The following STK3 variants were observed in gnomAD, a reference collection of about 807,000 sequenced individuals.
The protein encoded by STK3 is serine/threonine-protein kinase 3.
Under a neutral mutation model 58.0 loss-of-function variants are expected in STK3, and 41 were observed. The observed-to-expected ratio is 0.71, with a 90% confidence interval of 0.55 to 0.92. The LOEUF is 0.92. STK3 is among the 40% of genes least tolerant of loss of function. The pLI is 0.00. For missense variants in STK3, 479 were observed against 602.7 expected (o/e 0.79, Z 2.15); for synonymous variants, 170 against 191.0 (o/e 0.89, Z 0.91).
At chr8:98,432,204 G>T (rs1318540773) in intron 3 of STK3, 1 of 166,964 alleles carries the variant, frequency 6.0e-6, no homozygotes, top group Admixed American at 6.5e-5. Context: ...AAAAATATGA[G>T]GTGACATCTT....
chr8:98,901,463 G>C (rs1374712640), intron 1 of STK3, among the ~76,000 whole-genome samples: 1 of 152,242 alleles, frequency 6.6e-6, no homozygotes, highest in East Asian at 1.9e-4. Context: ...GAGGTGAAAG[G>C]GGAGAGAAAA....
chr8:98,601,207 T>G lies in STK3; in HGVS notation c.685-5038A>C, dbSNP rs570100112. On this transcript the variant is annotated intron_variant, in intron 6 of 10. Coordinates refer to ENST00000419617, the MANE Select transcript of STK3 (RefSeq NM_006281.4). ...ATATATATACATATATTTAAAAGTA[T>G]TTAAAAATTATACTCGCAATTGCAA... Among the ~76,000 whole-genome samples, 72 of 152,186 alleles carry G rather than the reference T, an allele frequency of 4.7e-4. 1 individual carries two copies. The highest frequency in any genetic ancestry group is 9.0e-4 in the Non-Finnish European group (61 of 67,998).
intron 4 of STK3, among the ~76,000 whole-genome samples, chr8:98,739,021 C>T (rs1828914268): frequency 1.3e-5 from 2 of 152,218 alleles, no homozygotes; most frequent in Admixed American, 1.3e-4. Context: ...AACTGCAAGG[C>T]AGCGGCGAGG....
In STK3 at chr8:98,491,930, C is replaced by G. The variant is rs146575541; in HGVS notation, c.1317+34812G>C. Among the ~76,000 whole-genome samples, 541 of 152,246 alleles carry G rather than the reference C, an allele frequency of 3.6e-3. 2 individuals carry two copies. Among genetic ancestry groups the G allele is most frequent in the Admixed American group, 6.0e-3 (92 of 15,294 alleles). On this transcript the variant is annotated intron_variant, in intron 10 of 10. Transcript: ENST00000419617. ...AAAGCAAAACTAAGGCACAACTGAT[C>G]TCCACTTACATGCTTTAACAAAACA...
chr8:98,445,502 CTTTTTTTGTA>C (rs1818902544), intron 1 of STK3, among the ~76,000 whole-genome samples: 1 of 151,864 alleles, frequency 6.6e-6, no homozygotes, highest in South Asian at 2.1e-4. Flanking sequence ...AGATATTTTA[CTTTTTTTGTA>C]TTTTTTTGTA....
At chr8:98,652,243 TGAA>T (rs1346472633) in intron 6 of STK3, among the ~76,000 whole-genome samples, 2 of 152,066 alleles carry the variant, frequency 1.3e-5, no homozygotes, top group African/African-American at 4.8e-5. Flanking sequence ...GCTTCATAAG[TGAA>T]GGAGAAATAA....
At chr8:98,434,559 T>C (rs1016733168) in intron 2 of STK3, among the ~76,000 whole-genome samples, 7 of 152,244 alleles carry the variant, frequency 4.6e-5, no homozygotes, top group Admixed American at 4.6e-4. Context: ...TTCCTCCTTC[T>C]GGGACCTCAC....
intron 1 of STK3, among the ~76,000 whole-genome samples, chr8:98,922,734 A>G (rs1043238434): frequency 6.6e-6 from 1 of 152,220 alleles, no homozygotes; most frequent in Non-Finnish European, 1.5e-5. Context: ...TATTTAAACT[A>G]TAGTATTTAT....
chr8:98,615,092 C>T (rs1817572155), intron 6 of STK3, among the ~76,000 whole-genome samples: 1 of 151,892 alleles, frequency 6.6e-6, no homozygotes, highest in Non-Finnish European at 1.5e-5. Flanking sequence ...CAGTGGTTCT[C>T]CCAGCACGCA....
At chr8:98,768,463 A>G (rs765789345) in intron 2 of STK3, among the ~76,000 whole-genome samples, 3 of 152,270 alleles carry the variant, frequency 2.0e-5, no homozygotes, top group Non-Finnish European at 2.9e-5. Context: ...AATAAAATAC[A>G]TTTTATCCTC....
chr8:98,895,919 G>T (rs1838426961), intron 1 of STK3, among the ~76,000 whole-genome samples: 1 of 152,104 alleles, frequency 6.6e-6, no homozygotes, highest in Admixed American at 6.6e-5. Context: ...ATACTACTAT[G>T]TCCCAGGCAC....
chr8:98,764,345 T>C (rs996357123), intron 3 of STK3, among the ~76,000 whole-genome samples: 2 of 152,198 alleles, frequency 1.3e-5, no homozygotes, highest in African/African-American at 4.8e-5. Flanking sequence ...TCCTCATACA[T>C]ACCACACCCT....
chr8:98,428,301 T>A lies in STK3; in HGVS notation n.483+5826A>T. 6.2e-7 allele frequency: 1 copy of A among 1,614,150 alleles called. No individual in the cohort carries two copies. ...CTCCTTCAGCCAGGAGATCGAGTAC[T>A]GGGGCATCAACGAGTTCTTCATTGA... On this transcript the variant is annotated intron_variant and non_coding_transcript_variant, in intron 3 of 3. Transcript: ENST00000517832. This position sits in a 1 kb window ranked among gnomAD's most constrained non-coding sequence, Gnocchi z 6.7.
At chr8:98,664,797 G>C (rs1374884001) in intron 6 of STK3, among the ~76,000 whole-genome samples, 1 of 152,062 alleles carries the variant, frequency 6.6e-6, no homozygotes, top group Non-Finnish European at 1.5e-5. Context: ...CTACTTGGGA[G>C]GCTGAGGCAG....
intron 10 of STK3, among the ~76,000 whole-genome samples, chr8:98,504,007 C>A (rs927113980): frequency 1.3e-5 from 2 of 152,194 alleles, no homozygotes; most frequent in Admixed American, 6.5e-5. Flanking sequence ...CCCATTATTA[C>A]TGTGTGGGAG....
the STK3 span, among the ~76,000 whole-genome samples, chr8:98,351,914 C>G: frequency 3.9e-5 from 6 of 152,158 alleles, no homozygotes; most frequent in African/African-American, 1.2e-4. Context: ...AATCCCAGCA[C>G]TTTGGGAGGC....
At chr8:98,389,754 A>G (rs10093136), upstream of STK3, among the ~76,000 whole-genome samples, 125,354 of 147,350 alleles carry the variant, frequency 0.85, 54,223 homozygotes, top group Non-Finnish European at 0.94. Context: ...TCTAGTGGCC[A>G]CCCCTAGACC....
chr8:98,767,244 T>C lies in STK3; in HGVS notation c.235A>G (p.Ser79Gly). 6.2e-7 allele frequency: 1 copy of C among 1,604,544 alleles called. No homozygotes were observed. Among genetic ancestry groups the C allele is most frequent in the Non-Finnish European group, 8.5e-7 (1 of 1,177,660 alleles). ...KEISIMQQCDSPYVVKYYGSY... is the reference protein window; with the variant it reads ...KEISIMQQCDGPYVVKYYGSY... ...CAAAGAAATAAAATCTCTTCATACC[T>C]GTCACATTGCTGCATTATGGAAATT... is the stretch of plus-strand genomic sequence containing the variant. The change falls in exon 3 of 11, where the codon AGC (serine) becomes GGC (glycine). Residue 79 changes from serine to glycine, a missense_variant and splice_region_variant. Ser to Gly is a moderately conservative substitution (Grantham distance 56). Coordinates refer to ENST00000419617, the MANE Select transcript of STK3 (RefSeq NM_006281.4).
chr8:98,924,353 T>C (rs1302379730), intron 1 of STK3, among the ~76,000 whole-genome samples: 1 of 152,214 alleles, frequency 6.6e-6, no homozygotes, highest in African/African-American at 2.4e-5. Flanking sequence ...TATAAAGGCT[T>C]TATGTACACA....
Sources: gnomAD v4.1 joint callset for allele counts (sites outside exome capture counted in the v4.1 genomes callset) on GRCh38, gnomAD v4.1.1 for gene constraint, Gnocchi (gnomAD v3.1) non-coding constraint, MANE v1.5 for transcripts, NCBI Gene and HGNC (gene_info 2026-07-23, HGNC 2026-07-21) for gene names.